Variants in LMO1 observed in about 807,000 individuals in gnomAD.
LMO1 encodes the protein rhombotin-1.
Under a neutral mutation model 18.0 loss-of-function variants are expected in LMO1, and 10 were observed. The ratio of observed to expected loss-of-function variants is 0.55; its 90% confidence interval spans 0.34 to 0.94. The LOEUF (loss-of-function observed/expected upper bound fraction) is 0.94. Among genes scored for constraint, LMO1 ranks in the 40% least tolerant of loss-of-function variants. The probability of loss-of-function intolerance (pLI) is 0.02; values close to 1 mark genes in which losing one functional copy is unlikely to be tolerated. For synonymous variants in LMO1, 77 were observed against 77.9 expected (o/e 0.99, Z 0.06); for missense variants, 183 against 205.7 (o/e 0.89, Z 0.68).
chr11:8,267,583 C>T (rs763784274), upstream of LMO1, among the ~76,000 whole-genome samples: 1 of 152,204 alleles, frequency 6.6e-6, no homozygotes, highest in Non-Finnish European at 1.5e-5. Flanking sequence ...GAGTTGGACC[C>T]AGGGATGGAT....
At chr11:8,248,188 C>T (rs749369811) in intron 1 of LMO1, among the ~76,000 whole-genome samples, 17 of 152,238 alleles carry the variant, frequency 1.1e-4, no homozygotes, top group Non-Finnish European at 1.6e-4. Context: ...CTGCAGCAAG[C>T]GGTCAGGCCC....
At chr11:8,226,927 C>T in intron 3 of LMO1, 48 bp downstream of exon 3, 1 of 1,575,326 alleles carries the variant, frequency 6.3e-7, no homozygotes, top group East Asian at 2.3e-5. Context: ...CAGCAGGCCT[C>T]AGGCTGGCGT....
At chr11:8,245,577 C>A (rs1045836050) in intron 1 of LMO1, among the ~76,000 whole-genome samples, 4 of 152,160 alleles carry the variant, frequency 2.6e-5, no homozygotes, top group Non-Finnish European at 4.4e-5. Flanking sequence ...AGCCAGCAGG[C>A]AAAAGATTTA....
At chr11:8,246,064 G>A (rs1015730282) in intron 1 of LMO1, among the ~76,000 whole-genome samples, 1 of 152,050 alleles carries the variant, frequency 6.6e-6, no homozygotes, top group African/African-American at 2.4e-5. Context: ...ATTCATGAGG[G>A]AGCCATCCCC....
At chr11:8,249,256 T>C (rs1366674365) in intron 1 of LMO1, among the ~76,000 whole-genome samples, 1 of 152,094 alleles carries the variant, frequency 6.6e-6, no homozygotes, top group Non-Finnish European at 1.5e-5. Flanking sequence ...CTGCGAGCTC[T>C]GGACGAAACT....
intron 3 of LMO1, among the ~76,000 whole-genome samples, chr11:8,225,353 C>A (rs533980046): frequency 6.1e-4 from 78 of 128,612 alleles, no homozygotes; most frequent in Non-Finnish European, 1.0e-3. Context: ...TGCAGTGAGC[C>A]GAGATCACGC....
At chr11:8,241,310 G>A (rs538160073) in intron 1 of LMO1, among the ~76,000 whole-genome samples, 42 of 152,150 alleles carry the variant, frequency 2.8e-4, no homozygotes, top group Non-Finnish European at 4.7e-4. Flanking sequence ...AGCCATCACC[G>A]TCTCTCGATG....
chr11:8,262,607 G>A (rs980538386), intron 1 of LMO1, among the ~76,000 whole-genome samples: 12 of 152,314 alleles, frequency 7.9e-5, no homozygotes, highest in Non-Finnish European at 1.3e-4. Context: ...GCTCGACCAC[G>A]GAAGGTCCGT....
rs1847085105 is a variant in LMO1, at chr11:8,255,817, A to ATTT, written c.25+7520_25+7521insAAA. On this transcript the variant is annotated intron_variant, in intron 1 of 3. Transcript: ENST00000335790. ...ATACATACAGATAGCACAATGCCGCACTTTTTTTTTTTTTTTTTTTTTTTT... is the reference window on the plus strand; with the variant it reads ...ATACATACAGATAGCACAATGCCGCATTTCTTTTTTTTTTTTTTTTTTTTTTTT... Among the ~76,000 whole-genome samples the ATTT allele has an allele frequency of 1.5e-4, 11 of 74,996 alleles. 1 individual carries two copies. Among genetic ancestry groups the ATTT allele is most frequent in the East Asian group, 8.9e-4 (2 of 2,250 alleles). 49.2% of individuals were successfully genotyped at this position (74,996 alleles called of 152,430 possible).
chr11:8,230,204 G>A lies in LMO1; in HGVS notation c.239+87C>T. 2.5e-6 allele frequency: 3 copies of A among 1,216,694 alleles called. No homozygotes were observed. In the South Asian group the frequency reaches 3.8e-5, roughly 15 times the overall value. 75.4% of individuals were successfully genotyped at this position (1,216,694 alleles called of 1,614,324 possible). Reference sequence around the variant, plus strand: ...AGGACACACAGGGTACTGGGTCTAGGGCCGGGGGCACAGTCACGCTGGGGC... The same window carrying A: ...AGGACACACAGGGTACTGGGTCTAGAGCCGGGGGCACAGTCACGCTGGGGC... On this transcript the variant is annotated intron_variant, in intron 2 of 3. Transcript: ENST00000335790.
rs578188357 is a variant in LMO1 at position 8,226,885 on chromosome 11, G to T, written c.365+90C>A. ...ATACACACACGCAACCCGCATTTGC[G>T]TGCACGCCTCCGCCGTGCTCCTGGC... On this transcript the variant is annotated intron_variant, in intron 3 of 3. Coordinates refer to ENST00000335790, the MANE Select transcript of LMO1 (RefSeq NM_002315.3). 6 of 1,484,268 alleles carry T rather than the reference G, an allele frequency of 4.0e-6. No homozygotes were observed. The South Asian group carries it at 5.3e-5, about 13-fold the overall frequency. 91.9% of individuals were successfully genotyped at this position (1,484,268 alleles called of 1,614,324 possible). A position where few individuals can be genotyped will look rare whatever the true frequency, so the allele number is the denominator to read the frequency against.
At chr11:8,248,578 C>T (rs1007726349) in intron 1 of LMO1, among the ~76,000 whole-genome samples, 1 of 152,256 alleles carries the variant, frequency 6.6e-6, no homozygotes, top group Non-Finnish European at 1.5e-5. Flanking sequence ...AAGTTCTGCT[C>T]TTCTCTGGAC....
chr11:8,252,102 C>T (rs1847011833), intron 1 of LMO1, among the ~76,000 whole-genome samples: 1 of 152,154 alleles, frequency 6.6e-6, no homozygotes, highest in African/African-American at 2.4e-5. Context: ...CTGTGAGTGT[C>T]TTTACCGCCA....
rs57425549 is a variant in LMO1, at chr11:8,255,818, C to CTT, written c.25+7518_25+7519dup. 4.8e-3 allele frequency among the ~76,000 whole-genome samples: 415 copies of CTT among 86,346 alleles called. 47 individuals carry two copies. The highest frequency in any genetic ancestry group is 9.0e-3 in the African/African-American group (180 of 20,022). The allele number at this position is 86,346 out of a possible 152,430, so 56.6% of individuals were successfully genotyped here. On this transcript the variant is annotated intron_variant, in intron 1 of 3. Coordinates refer to ENST00000335790, the MANE Select transcript of LMO1 (RefSeq NM_002315.3). ...TACATACAGATAGCACAATGCCGCA[C>CTT]TTTTTTTTTTTTTTTTTTTTTTTTT...
chr11:8,264,301 G>A (rs188081341), upstream of LMO1, among the ~76,000 whole-genome samples: 7 of 152,096 alleles, frequency 4.6e-5, no homozygotes, highest in Non-Finnish European at 8.8e-5. Flanking sequence ...TCCATGGAGC[G>A]GGAGAGCTTA....
At chr11:8,268,014 G>A (rs1208855389), upstream of LMO1, among the ~76,000 whole-genome samples, 1 of 152,248 alleles carries the variant, frequency 6.6e-6, no homozygotes, top group Admixed American at 6.5e-5. Flanking sequence ...AGTAGGGTGC[G>A]GAAGGGGAAC....
At chr11:8,261,791 T>A (rs72852583) in intron 1 of LMO1, among the ~76,000 whole-genome samples, 30,378 of 152,052 alleles carry the variant, frequency 0.2, 3,709 homozygotes, top group Non-Finnish European at 0.28. Context: ...CTTCTTCTCC[T>A]TTTCATTCTA....
At chr11:8,250,658 G>A (rs1380992309) in intron 1 of LMO1, among the ~76,000 whole-genome samples, 1 of 152,270 alleles carries the variant, frequency 6.6e-6, no homozygotes, top group Non-Finnish European at 1.5e-5. Flanking sequence ...TCGGGGGAGA[G>A]CAGCTGCCTG....
At chr11:8,262,043 G>C (rs893046334) in intron 1 of LMO1, among the ~76,000 whole-genome samples, 3 of 152,132 alleles carry the variant, frequency 2.0e-5, no homozygotes, top group Non-Finnish European at 4.4e-5. Flanking sequence ...TGGGGGCATC[G>C]GCACCTGGCA....
Sources: allele counts gnomAD v4.1 joint callset (sites outside exome capture counted in the v4.1 genomes callset), GRCh38; gene constraint gnomAD v4.1.1; transcripts MANE v1.5; gene names NCBI Gene and HGNC (gene_info 2026-07-23, HGNC 2026-07-21).